The following PCDHA9 variants were observed in gnomAD, a reference collection of about 807,000 sequenced individuals.
The protein encoded by PCDHA9 is protocadherin alpha-9.
In PCDHA9, 62 loss-of-function variants were observed where a neutral mutation model predicts 62.0. The observed-to-expected ratio is 1.00, with a 90% CI of 0.81 to 1.23. PCDHA9 has a LOEUF of 1.23. PCDHA9 is among the 50% of genes most tolerant of loss of function. The pLI, the probability that PCDHA9 is intolerant of heterozygous loss-of-function variation, is 0.00. For missense variants in PCDHA9, 1,205 were observed against 1,249.8 expected (o/e 0.96, Z 0.54); for synonymous variants, 557 against 567.6 (o/e 0.98, Z 0.27).
At chr5:140,867,604 A>C (rs1420460822) in intron 1 of PCDHA9, 1 of 152,164 alleles carries the variant, frequency 6.6e-6, no homozygotes, top group Non-Finnish European at 1.5e-5. Flanking sequence ...GAGATAAACC[A>C]TCAAAACTAT....
Position 140,883,553 on chromosome 5 carries a change from G to A in PCDHA9, c.2394+32664G>A, listed in dbSNP as rs782158028. The A allele has an allele frequency of 4.3e-6, 7 of 1,614,122 alleles. No individual in the cohort carries two copies. In the South Asian group the frequency reaches 7.7e-5, roughly 18 times the overall value. On this transcript the variant is annotated intron_variant, in intron 1 of 3. Transcript: ENST00000532602. The stretch of plus-strand genomic sequence containing the variant: ...CTATGAACTGGTGGTGACCGCGCGG[G>A]ACGGGGGCTCGCCTTCGCTGTGGGC...
Position 140,982,278 on chromosome 5 carries a change from A to G in PCDHA9, c.2454-197A>G, listed in dbSNP as rs997424016. On this transcript the variant is annotated intron_variant, in intron 2 of 3. Transcript: ENST00000532602. ...ATGTGTGTTCCTGGAATAGTATAGC[A>G]GGCAATAAGTAAGTCAGCAATGCTT... 8.2e-6 allele frequency: 8 copies of G among 980,114 alleles called. No homozygotes were observed. In the South Asian group the frequency reaches 1.1e-4, roughly 14 times the overall value. The allele number at this position is 980,114 out of a possible 1,614,324, so 60.7% of individuals were successfully genotyped here.
chr5:141,005,256 A>C (rs1307850409), intron 3 of PCDHA9, among the ~76,000 whole-genome samples: 1 of 152,212 alleles, frequency 6.6e-6, no homozygotes, highest in East Asian at 1.9e-4. Flanking sequence ...TGTGCTAGGC[A>C]CTGGTGATAC....
chr5:140,850,258 G>A lies in PCDHA9; in HGVS notation c.1763G>A (p.Gly588Asp). The A allele has an allele frequency of 6.3e-7, 1 of 1,594,156 alleles. No individual in the cohort carries two copies. The highest frequency in any genetic ancestry group is 1.1e-5 in the South Asian group (1 of 90,422). Residue 588 changes from glycine (G) to aspartate (D), a missense_variant, in exon 1 of 4, where the codon GGC (glycine) becomes GAC (aspartate). Physicochemically the swap from Gly to Asp is moderately conservative, Grantham distance 94. This residue lies in a region of PCDHA9 where 887 missense variants were observed against 809.5 expected (regional missense o/e 1.10). Coordinates refer to ENST00000532602, the MANE Select transcript of PCDHA9 (RefSeq NM_031857.2). The part of the protein sequence containing the change: ...SEMVLRSVGA[G>D]VVVGKVRAVD... ...ATGGTGCTGCGGTCGGTGGGCGCCG[G>A]CGTAGTGGTGGGGAAGGTGCGCGCA...
intron 1 of PCDHA9, chr5:140,867,518 A>T (rs2050002627): frequency 6.6e-6 from 1 of 152,128 alleles, no homozygotes; most frequent in Non-Finnish European, 1.5e-5. Context: ...TCAAATTAAT[A>T]GTTGAATATA....
chr5:140,885,283 T>C (rs1326439795), intron 1 of PCDHA9, among the ~76,000 whole-genome samples: 2 of 152,298 alleles, frequency 1.3e-5, no homozygotes, highest in Admixed American at 6.5e-5. Context: ...TATATACATA[T>C]ATAGAGAGAG....
intron 1 of PCDHA9, chr5:140,857,404 T>C: frequency 1.3e-6 from 2 of 1,597,962 alleles, no homozygotes; most frequent in Non-Finnish European, 1.7e-6. Flanking sequence ...ACAACGCGCC[T>C]GCGTTCGCGC....
In PCDHA9 at chr5:140,936,292, T is replaced by C. The variant is rs74627153; in HGVS notation, c.2395-42657T>C. Among the ~76,000 whole-genome samples the C allele has an allele frequency of 4.3e-3, 649 of 152,348 alleles. 6 individuals are homozygous for C. Among genetic ancestry groups the C allele is most frequent in the African/African-American group, 0.013 (538 of 41,592 alleles). On this transcript the variant is annotated intron_variant, in intron 1 of 3. Transcript: ENST00000532602. Reference sequence around the variant, plus strand: ...TATTCCTGTGTTTTCTTCTATAACATTGCTATCCAATAGAACTTTCTGACA... The same window carrying C: ...TATTCCTGTGTTTTCTTCTATAACACTGCTATCCAATAGAACTTTCTGACA...
Position 140,850,212 on chromosome 5 carries a change from A to C in PCDHA9, c.1717A>C (p.Thr573Pro), listed in dbSNP as rs1411639882. 10 of 1,593,368 alleles carry C rather than the reference A, an allele frequency of 6.3e-6. No individual in the cohort carries two copies. Among genetic ancestry groups the C allele is most frequent in the Non-Finnish European group, 8.6e-6 (10 of 1,167,568 alleles). ...PALLTPRMRG[T>P]DGAVSEMVLR... ...GCTGCTGACACCTCGGATGAGGGGC[A>C]CTGACGGCGCAGTGAGCGAGATGGT... Residue 573 changes from threonine (T) to proline (P), a missense_variant, in exon 1 of 4, where the codon ACT (threonine) becomes CCT (proline). Thr to Pro is a conservative substitution (Grantham distance 38). This residue lies in a region of PCDHA9 where 887 missense variants were observed against 809.5 expected (regional missense o/e 1.10). Transcript: ENST00000532602.
At chr5:140,897,381 T>C (rs1258843270) in intron 1 of PCDHA9, among the ~76,000 whole-genome samples, 1 of 136,686 alleles carries the variant, frequency 7.3e-6, no homozygotes, top group Non-Finnish European at 1.5e-5. Flanking sequence ...CCCTTCCCCT[T>C]CCTGTGTCCA....
chr5:140,966,561 G>C (rs2153747879), intron 1 of PCDHA9: 1 of 488,962 alleles, frequency 2.0e-6, no homozygotes, highest in Non-Finnish European at 3.4e-6. Context: ...GGAGGAGCTG[G>C]AATATGGGGA....
chr5:140,890,621 A>G (rs1209531386), intron 1 of PCDHA9, among the ~76,000 whole-genome samples: 1 of 152,174 alleles, frequency 6.6e-6, no homozygotes, highest in Non-Finnish European at 1.5e-5. Context: ...TACCCTAGAA[A>G]ATTAAGCATG....
rs146702581 is a variant in PCDHA9 at position 140,929,720 on chromosome 5, C to T, written c.2395-49229C>T. ...TATGAATATAATATGGAAGGTGAAA[C>T]ATTTACTTAAACTATTGCAATGCAT... On this transcript the variant is annotated intron_variant, in intron 1 of 3. Coordinates refer to ENST00000532602, the MANE Select transcript of PCDHA9 (RefSeq NM_031857.2). The T allele has an allele frequency of 2.8e-3, 635 of 224,158 alleles. 4 individuals are homozygous for T. The highest frequency in any genetic ancestry group is 6.2e-3 in the African/African-American group (270 of 43,802). 13.9% of individuals were successfully genotyped at this position (224,158 alleles called of 1,614,324 possible).
At chr5:140,882,333 C>A in intron 1 of PCDHA9, 1 of 1,614,220 alleles carries the variant, frequency 6.2e-7, no homozygotes, top group Non-Finnish European at 8.5e-7. Context: ...CTGATCCTCG[C>A]AGCCTGGGAG....
Position 140,850,747 on chromosome 5 carries a change from C to T in PCDHA9, c.2252C>T (p.Ser751Leu), listed in dbSNP as rs2041801676. The T allele has an allele frequency of 1.9e-6, 3 of 1,597,716 alleles. No homozygotes were observed. Among genetic ancestry groups the T allele is most frequent in the Non-Finnish European group, 2.6e-6 (3 of 1,167,570 alleles). ...AGCGCGGTGGGGAGTTGGTCGTACT[C>T]GCAGCAGAGGAGGCAGAGGGTGTGC... ...CSSAVGSWSY[S>L]QQRRQRVCSG... Residue 751 changes from serine (S) to leucine (L), a missense_variant, in exon 1 of 4, where the codon TCG (serine) becomes TTG (leucine). This residue lies in a region of PCDHA9 where 887 missense variants were observed against 809.5 expected (regional missense o/e 1.10). Coordinates refer to ENST00000532602, the MANE Select transcript of PCDHA9 (RefSeq NM_031857.2).
At chr5:140,953,948 C>A (rs1012464637) in intron 1 of PCDHA9, among the ~76,000 whole-genome samples, 2 of 152,092 alleles carry the variant, frequency 1.3e-5, no homozygotes, top group Non-Finnish European at 2.9e-5. Context: ...CATTGCTCCC[C>A]CAACAGGCCC....
Position 140,968,348 on chromosome 5 carries a change from A to G in PCDHA9, c.2395-10601A>G, listed in dbSNP as rs782567344. The stretch of plus-strand genomic sequence containing the variant: ...CTCCTATGTCTCCATTAACAGTGCC[A>G]GTGGCAGCCTTTATGCTGTCAACTC... On this transcript the variant is annotated intron_variant, in intron 1 of 3. Coordinates refer to ENST00000532602, the MANE Select transcript of PCDHA9 (RefSeq NM_031857.2). 1 of 1,614,124 alleles carries G rather than the reference A, an allele frequency of 6.2e-7. No individual in the cohort carries two copies. The highest frequency in any genetic ancestry group is 2.2e-5 in the East Asian group (1 of 44,886).
intron 1 of PCDHA9, chr5:140,927,197 A>G: frequency 6.2e-7 from 1 of 1,614,150 alleles, no homozygotes; most frequent in African/African-American, 1.3e-5. Flanking sequence ...CTGGTGCTCG[A>G]GGACCCGCTG....
In PCDHA9 at chr5:140,966,787, A is replaced by C. The variant is rs781920865; in HGVS notation, c.2395-12162A>C. 5.9e-5 allele frequency: 90 copies of C among 1,526,700 alleles called. No homozygotes were observed. Among genetic ancestry groups the C allele is most frequent in the Non-Finnish European group, 7.7e-5 (88 of 1,139,948 alleles). The allele number at this position is 1,526,700 out of a possible 1,614,324, so 94.6% of individuals were successfully genotyped here. On this transcript the variant is annotated intron_variant, in intron 1 of 3. Coordinates refer to ENST00000532602, the MANE Select transcript of PCDHA9 (RefSeq NM_031857.2). ...TGGCTATGGAGCAGGCGGGCACCAG[A>C]CCTGCGGCGACAGAGCATCCACGGC...
Sources: allele counts gnomAD v4.1 joint callset (sites outside exome capture counted in the v4.1 genomes callset), GRCh38; gene constraint gnomAD v4.1.1; regional missense constraint gnomAD v4.1.1; transcripts MANE v1.5; gene names NCBI Gene and HGNC (gene_info 2026-07-23, HGNC 2026-07-21).